MKLN1: variants seen among roughly 807,000 people sequenced by gnomAD.
MKLN1 encodes the protein muskelin 1.
In MKLN1, 18 loss-of-function variants were observed where a neutral mutation model predicts 99.0. The observed-to-expected ratio is 0.18, with a 90% CI of 0.13 to 0.27. The LOEUF is 0.27. Among genes scored for constraint, MKLN1 ranks in the 10% least tolerant of loss-of-function variants. The pLI is 1.00. For synonymous variants in MKLN1, 288 were observed against 293.2 expected (o/e 0.98, Z 0.18); for missense variants, 621 against 875.9 (o/e 0.71, Z 3.67).
chr7:131,275,818 G>A (rs1797963607), intron 3 of MKLN1, among the ~76,000 whole-genome samples: 1 of 151,792 alleles, frequency 6.6e-6, no homozygotes, highest in Non-Finnish European at 1.5e-5. Context: ...GATAAAGGCT[G>A]TTTATTGTGA....
intron 8 of MKLN1, among the ~76,000 whole-genome samples, chr7:131,421,199 T>G (rs991535951): frequency 3.9e-5 from 6 of 152,158 alleles, no homozygotes; most frequent in Non-Finnish European, 8.8e-5. Flanking sequence ...ATCCTTGGGT[T>G]TTTCTCTCCA....
At chr7:131,403,522 T>C (rs1277454375) in intron 6 of MKLN1, among the ~76,000 whole-genome samples, 1 of 152,242 alleles carries the variant, frequency 6.6e-6, no homozygotes, top group African/African-American at 2.4e-5. Context: ...TCAACTTTAG[T>C]GCAAGAGGTC....
chr7:131,227,079 C>T (rs557507716), intron 3 of MKLN1, among the ~76,000 whole-genome samples: 1 of 152,326 alleles, frequency 6.6e-6, no homozygotes, highest in South Asian at 2.1e-4. Context: ...TCTACCATCA[C>T]TTTTCACTAT....
intron 1 of MKLN1, among the ~76,000 whole-genome samples, chr7:131,126,052 T>TA (rs1563223289): frequency 5.3e-4 from 9 of 16,874 alleles, no homozygotes; most frequent in South Asian, 3.0e-3. Flanking sequence ...ATAAATAAAT[T>TA]AATTAATTAA....
chr7:131,269,243 T>A (rs911409578), intron 3 of MKLN1, among the ~76,000 whole-genome samples: 1 of 152,238 alleles, frequency 6.6e-6, no homozygotes, highest in African/African-American at 2.4e-5. Flanking sequence ...CAAAAAACTA[T>A]AAACTGGGTA....
intron 2 of MKLN1, among the ~76,000 whole-genome samples, chr7:131,169,774 C>T (rs984880036): frequency 6.6e-6 from 1 of 152,130 alleles, no homozygotes; most frequent in African/African-American, 2.4e-5. Flanking sequence ...CATTTATTTT[C>T]AAGCAATAGT....
At chr7:131,127,182 A>G (rs1375175555) in intron 1 of MKLN1, among the ~76,000 whole-genome samples, 1 of 140,736 alleles carries the variant, frequency 7.1e-6, no homozygotes, top group Non-Finnish European at 1.5e-5. Context: ...AAAAAAAAAA[A>G]GAAAGAAAAG....
intron 10 of MKLN1, among the ~76,000 whole-genome samples, chr7:131,442,933 A>G (rs2116503290): frequency 6.6e-6 from 1 of 152,380 alleles, no homozygotes; most frequent in South Asian, 2.1e-4. Context: ...AGTTCTTCAC[A>G]TTGTAGAAGT....
At chr7:131,197,752 T>C (rs1404566469) in intron 2 of MKLN1, among the ~76,000 whole-genome samples, 1 of 151,962 alleles carries the variant, frequency 6.6e-6, no homozygotes, top group Non-Finnish European at 1.5e-5. Flanking sequence ...AACCTAATAG[T>C]ATAACTAATA....
intron 2 of MKLN1, among the ~76,000 whole-genome samples, chr7:131,143,860 T>G (rs1234964468): frequency 6.6e-6 from 1 of 152,076 alleles, no homozygotes. Flanking sequence ...AAAGTGGATT[T>G]TGAGAATCAG....
chr7:131,315,758 C>T (rs1293534651), intron 3 of MKLN1, among the ~76,000 whole-genome samples: 1 of 152,184 alleles, frequency 6.6e-6, no homozygotes, highest in Non-Finnish European at 1.5e-5. Flanking sequence ...CAGTTTTCCC[C>T]TGATAGTGAT....
intron 1 of MKLN1, among the ~76,000 whole-genome samples, chr7:131,343,172 A>AT (rs1201493750): frequency 6.6e-6 from 1 of 152,108 alleles, no homozygotes; most frequent in Non-Finnish European, 1.5e-5. Context: ...TTCTTTTGCC[A>AT]TTTTTTTGCA....
At chr7:131,168,427 C>T (rs180872163) in intron 2 of MKLN1, among the ~76,000 whole-genome samples, 1 of 152,262 alleles carries the variant, frequency 6.6e-6, no homozygotes, top group East Asian at 1.9e-4. Flanking sequence ...CAACTTGCCC[C>T]CATGCACCTT....
intron 4 of MKLN1, among the ~76,000 whole-genome samples, chr7:131,394,725 G>A (rs1366985122): frequency 1.3e-5 from 2 of 151,958 alleles, no homozygotes; most frequent in African/African-American, 4.8e-5. Flanking sequence ...CATTACGCCT[G>A]GTATCAGCTA....
At chr7:131,356,996 G>A (rs1219906845) in intron 1 of MKLN1, among the ~76,000 whole-genome samples, 1 of 152,152 alleles carries the variant, frequency 6.6e-6, no homozygotes, top group East Asian at 1.9e-4. Context: ...GTACACCTTG[G>A]AAGAGGACCA....
intron 3 of MKLN1, among the ~76,000 whole-genome samples, chr7:131,265,131 C>T (rs964419964): frequency 5.3e-5 from 8 of 151,968 alleles, no homozygotes; most frequent in African/African-American, 1.9e-4. Context: ...TGAGCCACCG[C>T]GCCTGTCCTG....
chr7:131,179,354 ATT>A (rs1383242438), intron 2 of MKLN1, among the ~76,000 whole-genome samples: 1 of 152,134 alleles, frequency 6.6e-6, no homozygotes, highest in Non-Finnish European at 1.5e-5. Context: ...GGGTCTACCT[ATT>A]GAAGGAAGAA....
intron 1 of MKLN1, among the ~76,000 whole-genome samples, chr7:131,140,163 C>T (rs1795710295): frequency 6.6e-6 from 1 of 152,204 alleles, no homozygotes; most frequent in Non-Finnish European, 1.5e-5. Context: ...CCATGGTACT[C>T]ACCTGTGGGT....
At chr7:131,242,816 T>C in intron 3 of MKLN1, 1 of 666,658 alleles carries the variant, frequency 1.5e-6, no homozygotes, top group Admixed American at 1.9e-5. Context: ...TGAAAGTTTA[T>C]AACCACAATC....
Sources: allele counts gnomAD v4.1 joint callset (sites outside exome capture counted in the v4.1 genomes callset), GRCh38; gene constraint gnomAD v4.1.1; transcripts MANE v1.5; gene names NCBI Gene and HGNC (gene_info 2026-07-23, HGNC 2026-07-21).